COQ3: variants seen among roughly 807,000 people sequenced by gnomAD.
The protein encoded by COQ3 is coenzyme Q3, methyltransferase, also known as ubiquinone biosynthesis O-methyltransferase, mitochondrial.
Under a neutral mutation model 33.1 loss-of-function variants are expected in COQ3, and 29 were observed. The observed-to-expected ratio is 0.88, with a 90% CI of 0.65 to 1.19. The LOEUF (loss-of-function observed/expected upper bound fraction) is 1.19. Among genes scored for constraint, COQ3 ranks in the 50% most tolerant of loss-of-function variants. The probability of loss-of-function intolerance (pLI) is 0.00; values close to 1 mark genes in which losing one functional copy is unlikely to be tolerated. For synonymous variants in COQ3, 173 were observed against 157.8 expected, an observed-to-expected ratio of 1.10 and a Z score of -0.72; for missense variants, 437 against 430.7, an observed-to-expected ratio of 1.01 and a Z score of -0.13.
chr6:99,385,791 A>G (rs922618294), intron 1 of COQ3, among the ~76,000 whole-genome samples: 1 of 151,932 alleles, frequency 6.6e-6, no homozygotes, highest in Admixed American at 6.6e-5. Flanking sequence ...AGCCTGGCCA[A>G]CATGGTAAAA....
intron 6 of COQ3, among the ~76,000 whole-genome samples, chr6:99,370,334 C>A (rs1189751813): frequency 1.7e-5 from 2 of 119,404 alleles, no homozygotes; most frequent in African/African-American, 3.2e-5. Context: ...TCTTTCTTTT[C>A]TTTTCTTTAC....
chr6:99,381,585 C>G (rs910554524), intron 2 of COQ3, among the ~76,000 whole-genome samples: 1 of 152,128 alleles, frequency 6.6e-6, no homozygotes, highest in Non-Finnish European at 1.5e-5. Flanking sequence ...CTAATTGATT[C>G]CTTCTCATCC....
In COQ3 at chr6:99,383,563, A is replaced by T. The variant is rs1238213696; in HGVS notation, c.233+135T>A. On this transcript the variant is annotated intron_variant, in intron 2 of 6. Coordinates refer to ENST00000254759, the MANE Select transcript of COQ3 (RefSeq NM_017421.4). ...ATTGTTAGAAAATAAATTAGTTGAG[A>T]CTACTTAAATAAACACAAGCTACTT... The T allele has an allele frequency of 1.2e-5, 7 of 597,776 alleles. No homozygotes were observed. In the African/African-American group the frequency reaches 1.4e-4, roughly 12 times the overall value. 37.0% of individuals were successfully genotyped at this position (597,776 alleles called of 1,614,324 possible). A position where few individuals can be genotyped will look rare whatever the true frequency, so the allele number is the denominator to read the frequency against.
chr6:99,384,331 C>G (rs1774556708), intron 1 of COQ3, among the ~76,000 whole-genome samples: 1 of 152,092 alleles, frequency 6.6e-6, no homozygotes, highest in South Asian at 2.1e-4. Flanking sequence ...CTAACTCTAA[C>G]CCAGACATTT....
intron 5 of COQ3, among the ~76,000 whole-genome samples, chr6:99,372,606 C>T (rs958586143): frequency 1.9e-4 from 29 of 151,964 alleles, no homozygotes; most frequent in African/African-American, 5.3e-4. Context: ...TTAGTAGAGA[C>T]GGGGTTTCAC....
intron 5 of COQ3, among the ~76,000 whole-genome samples, chr6:99,372,909 A>C (rs138953990): frequency 2.4e-3 from 369 of 152,326 alleles, no homozygotes; most frequent in African/African-American, 8.7e-3. Context: ...AAGGGGAGTT[A>C]GGAGAAAGAG....
chr6:99,390,549 G>A (rs1774797053), intron 1 of COQ3, among the ~76,000 whole-genome samples: 1 of 152,140 alleles, frequency 6.6e-6, no homozygotes, highest in African/African-American at 2.4e-5. Flanking sequence ...AGCCAGGATG[G>A]TCTTGATCTC....
rs145317382 is a variant in COQ3 at position 99,378,441 on chromosome 6, T to C, written c.387-956A>G. On this transcript the variant is annotated intron_variant, in intron 3 of 6. Transcript: ENST00000254759. ...CATATCACTTTCCTTCGATGGGTTC[T>C]AATTATGCTCAAAATAAAATCTAAA... 3.6e-3 allele frequency among the ~76,000 whole-genome samples: 543 copies of C among 152,246 alleles called. 2 individuals carry two copies. Among genetic ancestry groups the C allele is most frequent in the African/African-American group, 0.012 (518 of 41,522 alleles).
intron 3 of COQ3, 39 bp downstream of exon 3, chr6:99,380,150 A>G: frequency 2.6e-6 from 4 of 1,566,590 alleles, no homozygotes; most frequent in Non-Finnish European, 2.6e-6. Flanking sequence ...ATTCTTAAAA[A>G]GTTCCATTTA....
chr6:99,379,301 A>G (rs1774400577), intron 3 of COQ3, among the ~76,000 whole-genome samples: 1 of 152,214 alleles, frequency 6.6e-6, no homozygotes, highest in South Asian at 2.1e-4. Flanking sequence ...CTAATTCATC[A>G]CGTTAAGTGA....
chr6:99,370,025 A>G (rs531665880), intron 6 of COQ3, among the ~76,000 whole-genome samples: 3 of 152,326 alleles, frequency 2.0e-5, no homozygotes, highest in African/African-American at 7.2e-5. Context: ...AACTTCAGTA[A>G]GTCGCAATTA....
chr6:99,391,094 T>TGTTTATTG (rs1554209259), intron 1 of COQ3, among the ~76,000 whole-genome samples: 1 of 95,964 alleles, frequency 1.0e-5, no homozygotes, highest in Non-Finnish European at 2.6e-5. Flanking sequence ...TTTATTTATT[T>TGTTTATTG]ATTTATTTAT....
At chr6:99,379,207 T>G (rs918616214) in intron 3 of COQ3, among the ~76,000 whole-genome samples, 1 of 152,092 alleles carries the variant, frequency 6.6e-6, no homozygotes, top group Non-Finnish European at 1.5e-5. Context: ...AGAAATTACT[T>G]ACCTAGAAAT....
chr6:99,382,553 T>A (rs1353894387), intron 2 of COQ3, among the ~76,000 whole-genome samples: 2 of 152,236 alleles, frequency 1.3e-5, no homozygotes, highest in Non-Finnish European at 2.9e-5. Flanking sequence ...AATCAAGGAC[T>A]AATTTACAAT....
In COQ3 at chr6:99,377,432, C is replaced by G; in HGVS notation, c.440G>C (p.Gly147Ala). ...PNHQPGKPLL[G>A]MKILDVGCGG... Reference sequence around the variant, plus strand: ...ACAGCCAACGTCAAGAATCTTCATCCCCAACAAAGGTTTTCCTGGCTGGTG... The same window carrying G: ...ACAGCCAACGTCAAGAATCTTCATCGCCAACAAAGGTTTTCCTGGCTGGTG... Residue 147 changes from glycine to alanine, a missense_variant, in exon 4 of 7, where the codon GGG (glycine) becomes GCG (alanine). Coordinates refer to ENST00000254759, the MANE Select transcript of COQ3 (RefSeq NM_017421.4). 6.2e-7 allele frequency: 1 copy of G among 1,613,614 alleles called. No homozygotes were observed. Among genetic ancestry groups the G allele is most frequent in the Non-Finnish European group, 8.5e-7 (1 of 1,179,772 alleles).
rs767787391 is a variant in COQ3 at position 99,378,314 on chromosome 6, C to G, written c.387-829G>C. On this transcript the variant is annotated intron_variant, in intron 3 of 6. Coordinates refer to ENST00000254759, the MANE Select transcript of COQ3 (RefSeq NM_017421.4). ...TAACATGGATAGTGGTTAAGTAGAT[C>G]ATTTTGGAAAGTTATAACATACAGA... Among the ~76,000 whole-genome samples the G allele has an allele frequency of 2.0e-5, 3 of 151,412 alleles. No individual in the cohort carries two copies. In the Admixed American group the frequency reaches 2.0e-4, roughly 10 times the overall value.
chr6:99,377,358 TA>T, intron 4 of COQ3, 27 bp downstream of exon 4: 1 of 1,525,374 alleles, frequency 6.6e-7, no homozygotes, highest in Non-Finnish European at 9.1e-7. Context: ...TTCTCCCAGT[TA>T]AAAATGGCAG....
intron 3 of COQ3, among the ~76,000 whole-genome samples, chr6:99,379,166 T>C (rs1482076286): frequency 1.3e-5 from 2 of 152,012 alleles, no homozygotes; most frequent in African/African-American, 2.4e-5. Flanking sequence ...CCCTCGCCCC[T>C]CATACTAAAT....
chr6:99,378,328 A>G (rs911734167), intron 3 of COQ3, among the ~76,000 whole-genome samples: 1 of 151,876 alleles, frequency 6.6e-6, no homozygotes, highest in African/African-American at 2.4e-5. Flanking sequence ...TTGGAAAGTT[A>G]TAACATACAG....
Sources: allele counts gnomAD v4.1 joint callset (sites outside exome capture counted in the v4.1 genomes callset), GRCh38; gene constraint gnomAD v4.1.1; transcripts MANE v1.5; gene names NCBI Gene and HGNC (gene_info 2026-07-23, HGNC 2026-07-21).